Variants in CTDSP1 observed in about 807,000 individuals in gnomAD.
CTDSP1 encodes the protein carboxy-terminal domain RNA polymerase II polypeptide A small phosphatase 1.
A neutral mutation model predicts 32.5 loss-of-function variants in CTDSP1; 15 were observed. That is an observed-to-expected ratio of 0.46 (90% CI 0.31 to 0.71). The LOEUF (loss-of-function observed/expected upper bound fraction) is 0.71. CTDSP1 is among the 30% of genes least tolerant of loss of function. The pLI, the probability that CTDSP1 is intolerant of heterozygous loss-of-function variation, is 0.05. For missense variants in CTDSP1, 294 were observed against 351.1 expected (o/e 0.84, Z 1.30); for synonymous variants, 185 against 145.4 (o/e 1.27, Z -1.96).
intron 4 of CTDSP1, chr2:218,402,641 C>T (rs1353814645): frequency 1.3e-6 from 1 of 767,004 alleles, no homozygotes; most frequent in East Asian, 2.5e-5. Flanking sequence ...CTCGCCCCAC[C>T]CTGCCCGGGA....
chr2:218,401,524 A>C (rs1376909041), intron 1 of CTDSP1, 40 bp from the exon 2 acceptor site: 1 of 1,609,800 alleles, frequency 6.2e-7, no homozygotes, highest in African/African-American at 1.3e-5. Context: ...TCTGCAGGCC[A>C]GTGTGCACCG....
chr2:218,400,912 G>A (rs757982052), intron 1 of CTDSP1: 9 of 454,492 alleles, frequency 2.0e-5, no homozygotes, highest in African/African-American at 1.6e-4. Flanking sequence ...GCCCACCCTC[G>A]CCTGGGTCTG....
chr2:218,400,148 C>T lies in CTDSP1; in HGVS notation c.58C>T (p.Arg20Trp). ...ISKEEARGPLRGKGDQKSAAS... is the reference protein window; with the variant it reads ...ISKEEARGPLWGKGDQKSAAS... ...CAAGGAGGAGGCTCGGGGCCCGCTGCGGGGCAAAGGTACCGGGGCTGCGGG... is the reference window on the plus strand; with the variant it reads ...CAAGGAGGAGGCTCGGGGCCCGCTGTGGGGCAAAGGTACCGGGGCTGCGGG... The change falls in exon 1 of 7, where the codon CGG (arginine) becomes TGG (tryptophan). Residue 20 changes from arginine to tryptophan, a missense_variant. Around this residue, in one of 2 missense-constraint regions of CTDSP1, gnomAD observed 148 missense variants for 113.3 expected, o/e 1.31. Coordinates refer to ENST00000273062, the MANE Select transcript of CTDSP1 (RefSeq NM_021198.3). 1 of 1,545,024 alleles carries T rather than the reference C, an allele frequency of 6.5e-7. No homozygotes were observed. Among genetic ancestry groups the T allele is most frequent in the Non-Finnish European group, 8.7e-7 (1 of 1,145,042 alleles).
At chr2:218,401,134 C>G (rs1380714362) in intron 1 of CTDSP1, 1 of 366,960 alleles carries the variant, frequency 2.7e-6, no homozygotes, top group Non-Finnish European at 5.5e-6. Flanking sequence ...TTCGTACCCA[C>G]GGGGGTGGAG....
In CTDSP1 at chr2:218,404,748, G is replaced by GC; in HGVS notation, c.*327dup. 3.8e-6 allele frequency: 1 copy of GC among 263,824 alleles called. No homozygotes were observed. Among genetic ancestry groups the GC allele is most frequent in the Non-Finnish European group, 7.3e-6 (1 of 137,396 alleles). 16.3% of individuals were successfully genotyped at this position (263,824 alleles called of 1,614,324 possible). ...CTCTGCTGCCAAATTGGGCCCCTTG[G>GC]CCCCTTCCGGTTCTGCTTCCTGGGG... is the stretch of plus-strand genomic sequence containing the variant. On this transcript the variant is annotated 3_prime_UTR_variant, in exon 7 of 7. Transcript: ENST00000273062.
chr2:218,398,124 G>C, upstream of CTDSP1: 1 of 460,598 alleles, frequency 2.2e-6, no homozygotes, highest in South Asian at 2.4e-5. Context: ...CTCGCCACAC[G>C]CTTCCTTTTG....
chr2:218,404,575 A>G lies in CTDSP1; in HGVS notation c.*150A>G, dbSNP rs528459444. ...GGGCGTCTCCCCCACCAGCCCCACC[A>G]GGCGGTGTAGGGGCAGCAGGCTGCA... On this transcript the variant is annotated 3_prime_UTR_variant, in exon 7 of 7. Coordinates refer to ENST00000273062, the MANE Select transcript of CTDSP1 (RefSeq NM_021198.3). The G allele has an allele frequency of 0.014, 13,462 of 953,154 alleles. 140 individuals carry two copies. Among genetic ancestry groups the G allele is most frequent in the Non-Finnish European group, 0.018 (11,543 of 646,436 alleles). The allele number at this position is 953,154 out of a possible 1,614,324, so 59.0% of individuals were successfully genotyped here.
upstream of CTDSP1, chr2:218,398,676 G>T (rs1468323950): frequency 1.5e-5 from 5 of 339,272 alleles, no homozygotes; most frequent in Non-Finnish European, 2.7e-5. Flanking sequence ...GACAGGACGC[G>T]CCCGCCCCGC....
At chr2:218,398,319 G>A (rs1424460250), upstream of CTDSP1, 5 of 1,148,750 alleles carry the variant, frequency 4.4e-6, no homozygotes, top group Middle Eastern at 1.9e-4. Flanking sequence ...TTAAGAAGGA[G>A]GCCGTTCTAA....
chr2:218,401,068 C>G (rs560513807), intron 1 of CTDSP1: 4 of 395,182 alleles, frequency 1.0e-5, no homozygotes, highest in South Asian at 7.2e-5. Flanking sequence ...CCACTGGACA[C>G]TGGCCCCAGG....
chr2:218,399,668 G>A (rs1006378219), upstream of CTDSP1: 15 of 928,756 alleles, frequency 1.6e-5, no homozygotes, highest in African/African-American at 2.3e-4. Flanking sequence ...CGCAGCCGCA[G>A]AGACTCAGCC....
At chr2:218,400,220 A>G in intron 1 of CTDSP1, 63 bp downstream of exon 1, 1 of 1,461,146 alleles carries the variant, frequency 6.8e-7, no homozygotes, top group Non-Finnish European at 9.2e-7. Flanking sequence ...AGGGGCCGGG[A>G]TCTTCCCCAG....
chr2:218,404,532 T>A lies in CTDSP1; in HGVS notation c.*107T>A. The stretch of plus-strand genomic sequence containing the variant: ...GAAAACCCATGGGCCGCCGCCACAC[T>A]CAGTGCCATGGGGAAGCGGGCGTCT... On this transcript the variant is annotated 3_prime_UTR_variant, in exon 7 of 7. Coordinates refer to ENST00000273062, the MANE Select transcript of CTDSP1 (RefSeq NM_021198.3). The A allele has an allele frequency of 7.0e-7, 1 of 1,421,062 alleles. No homozygotes were observed. The highest frequency in any genetic ancestry group is 1.9e-5 in the Admixed American group (1 of 53,722). The allele number at this position is 1,421,062 out of a possible 1,614,324, so 88.0% of individuals were successfully genotyped here. A position where few individuals can be genotyped will look rare whatever the true frequency, so the allele number is the denominator to read the frequency against.
At chr2:218,398,408 G>C (rs564208901), upstream of CTDSP1, 369 of 1,535,366 alleles carry the variant, frequency 2.4e-4, no homozygotes, top group Middle Eastern at 3.3e-4. Flanking sequence ...CGGTGATGAA[G>C]CGCAATGGTG....
chr2:218,401,506 T>C, intron 1 of CTDSP1, 58 bp from the exon 2 acceptor site: 1 of 1,595,878 alleles, frequency 6.3e-7, no homozygotes, highest in Non-Finnish European at 8.6e-7. Context: ...TGGGCACACA[T>C]GCAGGATTCT....
At chr2:218,400,321 G>A in intron 1 of CTDSP1, 164 bp downstream of exon 1, 1 of 755,308 alleles carries the variant, frequency 1.3e-6, no homozygotes, top group East Asian at 2.7e-5. Flanking sequence ...TGAACTCAGA[G>A]GAGGCTCAGA....
At chr2:218,398,410 G>A, upstream of CTDSP1, 3 of 1,535,302 alleles carry the variant, frequency 2.0e-6, no homozygotes, top group Non-Finnish European at 2.6e-6. Context: ...GTGATGAAGC[G>A]CAATGGTGGC....
At chr2:218,398,664 G>C (rs1696944865), upstream of CTDSP1, 2 of 355,648 alleles carry the variant, frequency 5.6e-6, no homozygotes, top group East Asian at 4.3e-5. Flanking sequence ...GCGGCCGGAC[G>C]GGACAGGACG....
rs1697380642 is a variant in CTDSP1 at position 218,405,840 on chromosome 2, T to TTG, written c.*1415_*1416insTG. The TTG allele has an allele frequency of 6.6e-6, 1 of 152,254 alleles. No homozygotes were observed. Among genetic ancestry groups the TTG allele is most frequent in the South Asian group, 2.1e-4 (1 of 4,794 alleles). The allele number at this position is 152,254 out of a possible 1,614,324, so 9.4% of individuals were successfully genotyped here. A position where few individuals can be genotyped will look rare whatever the true frequency, so the allele number is the denominator to read the frequency against. On this transcript the variant is annotated 3_prime_UTR_variant, in exon 7 of 7. Coordinates refer to ENST00000273062, the MANE Select transcript of CTDSP1 (RefSeq NM_021198.3). ...TCCCCCAGAGCGGGTGGGCGGGGGG[T>TTG]GAATATGGTTGGCCTGCATCAGGTG...
Sources: gnomAD v4.1 joint callset for allele counts on GRCh38, gnomAD v4.1.1 for gene constraint, gnomAD v4.1.1 regional missense constraint, MANE v1.5 for transcripts, NCBI Gene and HGNC (gene_info 2026-07-23, HGNC 2026-07-21) for gene names.